Variants in MACROD2 observed in about 807,000 individuals in gnomAD.
MACROD2 encodes ADP-ribose glycohydrolase MACROD2.
In MACROD2, 36 loss-of-function variants were observed where a neutral mutation model predicts 70.4. The observed-to-expected ratio is 0.51, with a 90% CI of 0.39 to 0.68. The LOEUF (loss-of-function observed/expected upper bound fraction) is 0.68. Among genes scored for constraint, MACROD2 ranks in the 30% least tolerant of loss-of-function variants. The pLI is 0.00. For missense variants in MACROD2, 496 were observed against 538.4 expected (o/e 0.92, Z 0.78); for synonymous variants, 172 against 178.8 (o/e 0.96, Z 0.30).
intron 5 of MACROD2, among the ~76,000 whole-genome samples, chr20:15,027,557 T>TG (rs869211791): frequency 5.4e-5 from 6 of 110,798 alleles, no homozygotes; most frequent in East Asian, 2.5e-4. Context: ...GTGGTGGTGG[T>TG]GGGGGGAAAT....
intron 4 of MACROD2, among the ~76,000 whole-genome samples, chr20:14,658,284 G>T (rs183013806): frequency 1.7e-3 from 262 of 152,184 alleles, no homozygotes; most frequent in Middle Eastern, 0.01. Flanking sequence ...GGAAAAATCA[G>T]GTTTAGCCAT....
chr20:14,001,597 G>A (rs1439252607), intron 1 of MACROD2, among the ~76,000 whole-genome samples: 1 of 151,768 alleles, frequency 6.6e-6, no homozygotes, highest in Non-Finnish European at 1.5e-5. Context: ...CTAAGACTGA[G>A]TAATTTATTA....
At chr20:14,580,490 T>C (rs1015190418) in intron 4 of MACROD2, among the ~76,000 whole-genome samples, 1 of 152,320 alleles carries the variant, frequency 6.6e-6, no homozygotes, top group Non-Finnish European at 1.5e-5. Flanking sequence ...TATAAAATGT[T>C]ATTTGCAACT....
At chr20:14,130,578 C>T (rs963693509) in intron 3 of MACROD2, among the ~76,000 whole-genome samples, 1 of 151,986 alleles carries the variant, frequency 6.6e-6, no homozygotes, top group Non-Finnish European at 1.5e-5. Flanking sequence ...AAAATATCTA[C>T]CGTTAGCATA....
intron 4 of MACROD2, among the ~76,000 whole-genome samples, chr20:14,585,417 G>C (rs1981310072): frequency 6.6e-6 from 1 of 152,070 alleles, no homozygotes; most frequent in Non-Finnish European, 1.5e-5. Context: ...ATGAGAGTAG[G>C]TTCTTACTAA....
At chr20:15,777,353 G>A (rs1295166175) in intron 8 of MACROD2, among the ~76,000 whole-genome samples, 1 of 151,786 alleles carries the variant, frequency 6.6e-6, no homozygotes, top group Non-Finnish European at 1.5e-5. Context: ...AAGAGAAAGT[G>A]CCGGTTTGGT....
chr20:14,298,247 GTAATTTC>G (rs1229797101), intron 3 of MACROD2, among the ~76,000 whole-genome samples: 2 of 151,850 alleles, frequency 1.3e-5, no homozygotes, highest in African/African-American at 4.9e-5. Flanking sequence ...GTATCAAGGA[GTAATTTC>G]TAGTCTTCGT....
chr20:15,741,994 A>G (rs2051112756), intron 8 of MACROD2, among the ~76,000 whole-genome samples: 2 of 152,206 alleles, frequency 1.3e-5, no homozygotes, highest in African/African-American at 2.4e-5. Flanking sequence ...GCAAGTAGCA[A>G]TGTTCTACAT....
Position 14,033,329 on chromosome 20 carries a change from C to T in MACROD2, c.163+30925C>T, listed in dbSNP as rs17812580. Among the ~76,000 whole-genome samples the T allele has an allele frequency of 6.0e-3, 917 of 152,112 alleles. 7 individuals carry two copies. Among genetic ancestry groups the T allele is most frequent in the Non-Finnish European group, 0.011 (727 of 67,958 alleles). On this transcript the variant is annotated intron_variant, in intron 2 of 17. Transcript: ENST00000684519. ...CTCTTGTGTCAGTATGCCACTGTTA[C>T]AGTTACAATAGTTTCTTTATATATT...
intron 3 of MACROD2, among the ~76,000 whole-genome samples, chr20:14,314,680 A>G (rs900972234): frequency 1.3e-5 from 2 of 152,088 alleles, no homozygotes; most frequent in East Asian, 3.9e-4. Flanking sequence ...GAATTGCTTG[A>G]ACCTGGGAGG....
chr20:14,590,919 T>C (rs560594684), intron 4 of MACROD2, among the ~76,000 whole-genome samples: 2 of 152,202 alleles, frequency 1.3e-5, no homozygotes, highest in African/African-American at 4.8e-5. Flanking sequence ...CCACATTAGG[T>C]CTCAAAATCT....
At chr20:14,785,868 A>T (rs1470705354) in intron 5 of MACROD2, among the ~76,000 whole-genome samples, 1 of 152,016 alleles carries the variant, frequency 6.6e-6, no homozygotes, top group Non-Finnish European at 1.5e-5. Context: ...AGCACCATCA[A>T]TCACCTCTTT....
chr20:15,784,085 T>C (rs933388758), intron 8 of MACROD2, among the ~76,000 whole-genome samples: 2 of 152,130 alleles, frequency 1.3e-5, no homozygotes, highest in African/African-American at 4.8e-5. Flanking sequence ...CATGTAATAG[T>C]CTCAAATGTC....
At chr20:14,178,015 A>G (rs2081276844) in intron 3 of MACROD2, among the ~76,000 whole-genome samples, 1 of 152,180 alleles carries the variant, frequency 6.6e-6, no homozygotes, top group Non-Finnish European at 1.5e-5. Context: ...CACATAAAAC[A>G]TTAAAAAAAT....
chr20:14,666,471 C>T (rs2070737871), intron 4 of MACROD2, among the ~76,000 whole-genome samples: 1 of 151,998 alleles, frequency 6.6e-6, no homozygotes. Context: ...TTGTCCTTAC[C>T]ATCCCTCATT....
intron 6 of MACROD2, among the ~76,000 whole-genome samples, chr20:15,410,761 C>T (rs999142051): frequency 5.9e-5 from 9 of 152,078 alleles, no homozygotes; most frequent in African/African-American, 2.2e-4. Context: ...AGCACGCTTG[C>T]AGGAAAACCA....
intron 9 of MACROD2, among the ~76,000 whole-genome samples, chr20:15,868,621 T>G (rs1304694825): frequency 7.5e-6 from 1 of 132,654 alleles, no homozygotes; most frequent in African/African-American, 2.7e-5. Context: ...TTTTTTTTCA[T>G]TAGTTTGGTG....
intron 12 of MACROD2, among the ~76,000 whole-genome samples, chr20:15,941,383 G>T (rs1471940286): frequency 6.6e-6 from 1 of 152,110 alleles, no homozygotes; most frequent in Non-Finnish European, 1.5e-5. Flanking sequence ...GAAATAGCAT[G>T]TATAGAAAAC....
chr20:14,533,091 G>A (rs1245019454), intron 4 of MACROD2, among the ~76,000 whole-genome samples: 1 of 151,290 alleles, frequency 6.6e-6, no homozygotes, highest in African/African-American at 2.4e-5. Context: ...AAAAACAGGA[G>A]ATTTCACAGC....
Sources: allele counts gnomAD v4.1 joint callset (sites outside exome capture counted in the v4.1 genomes callset), GRCh38; gene constraint gnomAD v4.1.1; transcripts MANE v1.5; gene names NCBI Gene and HGNC (gene_info 2026-07-23, HGNC 2026-07-21).